KBTBD4: variants seen among roughly 807,000 people sequenced by gnomAD.
KBTBD4 encodes the protein kelch repeat and BTB domain-containing protein 4.
KBTBD4 carries 30 observed loss-of-function variants against 43.9 expected under a neutral mutation model. That is an observed-to-expected ratio of 0.68 (90% CI 0.51 to 0.93). The LOEUF (loss-of-function observed/expected upper bound fraction) is 0.93. KBTBD4 is among the 40% of genes least tolerant of loss of function. The pLI is 0.00. For missense variants in KBTBD4, 575 were observed against 668.8 expected (o/e 0.86, Z 1.55); for synonymous variants, 258 against 256.9 (o/e 1.00, Z -0.04).
At chr11:47,577,328 G>T in intron 2 of KBTBD4, 83 bp downstream of exon 2, 1 of 1,344,530 alleles carries the variant, frequency 7.4e-7, no homozygotes, top group East Asian at 2.3e-5. Flanking sequence ...GGAAGCTTGA[G>T]GGTTCTTTTC....
chr11:47,572,973 C>A lies in KBTBD4; in HGVS notation c.1562G>T (p.Gly521Val). ...CAAATTGGTAAGCAGCACCTTAATACCTCTTGTGACAGTTACGGCTGAAGT... is the reference window on the plus strand; with the variant it reads ...CAAATTGGTAAGCAGCACCTTAATAACTCTTGTGACAGTTACGGCTGAAGT... Reference protein sequence around the residue: ...PATSAVTVTRGIKVLLTNLQF... With the variant: ...PATSAVTVTRVIKVLLTNLQF... The change falls in exon 4 of 4, where the codon GGT becomes GTT. Residue 521 changes from glycine to valine, a missense_variant. Transcript: ENST00000430070. 1 of 1,614,202 alleles carries A rather than the reference C, an allele frequency of 6.2e-7. No individual in the cohort carries two copies. Among genetic ancestry groups the A allele is most frequent in the African/African-American group, 1.3e-5 (1 of 75,050 alleles).
At position 47,577,522 on chromosome 11, in the gene KBTBD4, G is replaced by T; in HGVS notation, c.526C>A (p.Pro176Thr). ...VMWLADRHSD[P>T]ELYTAAKHCA... Reference sequence around the variant, plus strand: ...TGCTTGGCAGCCGTATAGAGCTCAGGATCACTGTGCCGATCTGCCAGCCAC... The same window carrying T: ...TGCTTGGCAGCCGTATAGAGCTCAGTATCACTGTGCCGATCTGCCAGCCAC... The change falls in exon 2 of 4, where the codon CCT (proline) becomes ACT (threonine). Residue 176 changes from proline (P) to threonine (T), a missense_variant. By Grantham distance (38) the Pro-to-Thr change is conservative. Transcript: ENST00000430070. The T allele has an allele frequency of 6.2e-7, 1 of 1,614,120 alleles. No individual in the cohort carries two copies. The highest frequency in any genetic ancestry group is 8.5e-7 in the Non-Finnish European group (1 of 1,180,032).
At position 47,573,036 on chromosome 11, in the gene KBTBD4, T is replaced by C. The variant is rs2097252167; in HGVS notation, c.1499A>G (p.Lys500Arg). Residue 500 changes from lysine to arginine, a missense_variant, in exon 4 of 4, where the codon AAA (lysine) becomes AGA (arginine). Lys to Arg is a conservative substitution (Grantham distance 26, BLOSUM62 2). Coordinates refer to ENST00000430070, the MANE Select transcript of KBTBD4 (RefSeq NM_018095.6). This position sits in a 1 kb window ranked among gnomAD's most constrained non-coding sequence, Gnocchi z 4.1. Reference sequence around the variant, plus strand: ...CTTGTAGGTGTTGGCATCCCCCTTTTTATATCGGTCCCGGAAGACATAGAT... The same window carrying C: ...CTTGTAGGTGTTGGCATCCCCCTTTCTATATCGGTCCCGGAAGACATAGAT... Reference protein sequence around the residue: ...GSIYVFRDRYKKGDANTYKLD... With the variant: ...GSIYVFRDRYRKGDANTYKLD... 2 of 1,614,138 alleles carry C rather than the reference T, an allele frequency of 1.2e-6. No homozygotes were observed. The highest frequency in any genetic ancestry group is 1.7e-6 in the Non-Finnish European group (2 of 1,180,034).
At chr11:47,578,736 C>A in intron 1 of KBTBD4, 197 bp downstream of exon 1, 5 of 1,457,686 alleles carry the variant, frequency 3.4e-6, no homozygotes, top group Non-Finnish European at 4.6e-6. Flanking sequence ...CCCGCTCAGG[C>A]CCGCCCGCCC....
rs534787754 is a variant in KBTBD4 at position 47,578,292 on chromosome 11, T to C, written c.20-264A>G. ...TCCTGAGAAAACACGGAATAATTCC[T>C]TTCCATAATGTTAACAAAAGACTTG... On this transcript the variant is annotated intron_variant, in intron 1 of 3. Coordinates refer to ENST00000430070, the MANE Select transcript of KBTBD4 (RefSeq NM_018095.6). The C allele has an allele frequency of 2.2e-4, 130 of 588,050 alleles. 1 individual carries two copies. The highest frequency in any genetic ancestry group is 1.3e-3 in the Middle Eastern group (3 of 2,240). 36.4% of individuals were successfully genotyped at this position (588,050 alleles called of 1,614,324 possible). A position where few individuals can be genotyped will look rare whatever the true frequency, so the allele number is the denominator to read the frequency against.
chr11:47,578,605 G>A (rs1376809598), intron 1 of KBTBD4: 5 of 717,686 alleles, frequency 7.0e-6, no homozygotes, highest in Admixed American at 6.0e-5. Context: ...CCCTATGGCT[G>A]CGTCCCAGAA....
chr11:47,575,163 T>C (rs1321014765), intron 3 of KBTBD4, among the ~76,000 whole-genome samples: 2 of 148,584 alleles, frequency 1.3e-5, no homozygotes, highest in African/African-American at 2.5e-5. Flanking sequence ...CGAGCTGAGA[T>C]TGCACCACTG....
rs1422744493 is a variant in KBTBD4, at chr11:47,578,015, T to C, written c.33A>G (p.Arg11=). 3.1e-6 allele frequency: 5 copies of C among 1,614,156 alleles called. No homozygotes were observed. The Admixed American group carries it at 8.3e-5, about 27-fold the overall frequency. ...GTGATTCCATGCTAGCCAACTTCTC[T>C]CTCTGCCAGCTGTCTGCAAAGCAAC... The part of the protein sequence containing the change: MKGGNADSWQ[R]EKLASMESPE... The change falls in exon 2 of 4, where the codon AGA becomes AGG. Residue 11 remains arginine (R), a synonymous_variant. Transcript: ENST00000430070.
At position 47,573,356 on chromosome 11, in the gene KBTBD4, G is replaced by A. The variant is rs967832403; in HGVS notation, c.1179C>T (p.Asn393=). ...CCCCCCCTAGTAAGTAGATGATCCCGTTGAGGTTGGCACCAGCAGCCCCTG... is the reference window on the plus strand; with the variant it reads ...CCCCCCCTAGTAAGTAGATGATCCCATTGAGGTTGGCACCAGCAGCCCCTG... ...AVSGAAGANL[N]GIIYLLGGEE... Residue 393 remains asparagine, a synonymous_variant, in exon 4 of 4, where the codon AAC becomes AAT. Coordinates refer to ENST00000430070, the MANE Select transcript of KBTBD4 (RefSeq NM_018095.6). This position sits in a 1 kb window ranked among gnomAD's most constrained non-coding sequence, Gnocchi z 4.1. 9 of 1,614,046 alleles carry A rather than the reference G, an allele frequency of 5.6e-6. No homozygotes were observed. Among genetic ancestry groups the A allele is most frequent in the South Asian group, 2.2e-5 (2 of 91,088 alleles).
chr11:47,578,838 C>T (rs2097265489), intron 1 of KBTBD4, 95 bp downstream of exon 1: 2 of 1,545,430 alleles, frequency 1.3e-6, no homozygotes, highest in African/African-American at 1.4e-5. Flanking sequence ...CCGCCTGGTT[C>T]TTCAGCGTCC....
Position 47,573,445 on chromosome 11 carries a change from C to T in KBTBD4, c.1090G>A (p.Val364Ile), listed in dbSNP as rs2097253413. The change falls in exon 4 of 4, where the codon GTC becomes ATC. Residue 364 changes from valine to isoleucine, a missense_variant. Coordinates refer to ENST00000430070, the MANE Select transcript of KBTBD4 (RefSeq NM_018095.6). The surrounding 1 kb of genome is among the most constrained non-coding windows in gnomAD (Gnocchi z 4.1). Reference sequence around the variant, plus strand: ...TTATCACCTACGCGATAATAAATGACTGCGTTGGAGAGGGTATCTTGCAGT... The same window carrying T: ...TTATCACCTACGCGATAATAAATGATTGCGTTGGAGAGGGTATCTTGCAGT... Reference protein sequence around the residue: ...KTLQDTLSNAVIYYRVGDNVW... With the variant: ...KTLQDTLSNAIIYYRVGDNVW... 1 of 1,614,210 alleles carries T rather than the reference C, an allele frequency of 6.2e-7. No individual in the cohort carries two copies. Among genetic ancestry groups the T allele is most frequent in the Non-Finnish European group, 8.5e-7 (1 of 1,180,036 alleles).
chr11:47,576,816 A>G (rs2153794284), intron 2 of KBTBD4, among the ~76,000 whole-genome samples: 1 of 152,064 alleles, frequency 6.6e-6, no homozygotes, highest in African/African-American at 2.4e-5. Context: ...AGCTGAGACT[A>G]CAGGTGCAAG....
rs2097250315 is a variant in KBTBD4 at position 47,572,242 on chromosome 11, C to T, written c.*688G>A. Reference sequence around the variant, plus strand: ...TGTATCAACAGTTCCTAGCTCTTGACTTAGCTTAGAGCTTTTAAAAGAGCA... The same window carrying T: ...TGTATCAACAGTTCCTAGCTCTTGATTTAGCTTAGAGCTTTTAAAAGAGCA... On this transcript the variant is annotated 3_prime_UTR_variant, in exon 4 of 4. Coordinates refer to ENST00000430070, the MANE Select transcript of KBTBD4 (RefSeq NM_018095.6). 6.5e-6 allele frequency: 1 copy of T among 152,846 alleles called. No homozygotes were observed. Among genetic ancestry groups the T allele is most frequent in the Non-Finnish European group, 1.5e-5 (1 of 68,198 alleles). 9.5% of individuals were successfully genotyped at this position (152,846 alleles called of 1,614,324 possible).
chr11:47,576,581 C>G (rs369696445), intron 2 of KBTBD4: 2 of 151,828 alleles, frequency 1.3e-5, no homozygotes, highest in African/African-American at 4.8e-5. Flanking sequence ...GAAGAGAAAC[C>G]AGAGTATGTG....
Position 47,573,505 on chromosome 11 carries a change from C to A in KBTBD4, c.1030G>T (p.Gly344Trp). ...CCCAGTGAATATATGGCATCTTTCC[C>A]GGGCACAGACACCAGGGTGTGCTGG... ...RLQHTLVSVP[G>W]KDAIYSLGGK... Residue 344 changes from glycine (G) to tryptophan (W), a missense_variant, in exon 4 of 4, where the codon GGG becomes TGG. Physicochemically the swap from Gly to Trp is radical, Grantham distance 184 (BLOSUM62 -2). Transcript: ENST00000430070. This position sits in a 1 kb window ranked among gnomAD's most constrained non-coding sequence, Gnocchi z 4.1. 1 of 1,614,150 alleles carries A rather than the reference C, an allele frequency of 6.2e-7. No homozygotes were observed. The highest frequency in any genetic ancestry group is 8.5e-7 in the Non-Finnish European group (1 of 1,180,024).
At position 47,577,990 on chromosome 11, in the gene KBTBD4, GT is replaced by G; in HGVS notation, c.57del (p.Pro20GlnfsTer14). ...WQREKLASME[S>X]PEEPGASMDE... is the part of the protein sequence containing the mutation. The stretch of plus-strand genomic sequence containing the variant: ...TCCATGGATGCTCCAGGCTCCTCTG[GT>G]GATTCCATGCTAGCCAACTTCTCTC... On this transcript the variant is annotated frameshift_variant, in exon 2 of 4. Coordinates refer to ENST00000430070, the MANE Select transcript of KBTBD4 (RefSeq NM_018095.6). LOFTEE classifies it high-confidence loss of function. 6.2e-7 allele frequency: 1 copy of G among 1,614,172 alleles called. No homozygotes were observed. The highest frequency in any genetic ancestry group is 8.5e-7 in the Non-Finnish European group (1 of 1,180,036).
intron 3 of KBTBD4, among the ~76,000 whole-genome samples, chr11:47,575,235 G>A (rs1039357785): frequency 2.7e-5 from 4 of 150,070 alleles, no homozygotes; most frequent in Non-Finnish European, 5.9e-5. Context: ...AAGGCCGGGC[G>A]CGGGGGCTCA....
intron 2 of KBTBD4, 101 bp downstream of exon 2, chr11:47,577,310 T>A (rs2097261511): frequency 8.4e-7 from 1 of 1,184,146 alleles, no homozygotes; most frequent in Admixed American, 2.6e-5. Flanking sequence ...TAATGTAAAC[T>A]AACACCAGGA....
rs1358045158 is a variant in KBTBD4 at position 47,572,295 on chromosome 11, A to T, written c.*635T>A. 6.5e-6 allele frequency: 1 copy of T among 152,848 alleles called. No individual in the cohort carries two copies. Among genetic ancestry groups the T allele is most frequent in the Non-Finnish European group, 1.5e-5 (1 of 68,188 alleles). The allele number at this position is 152,848 out of a possible 1,614,324, so 9.5% of individuals were successfully genotyped here. A position where few individuals can be genotyped will look rare whatever the true frequency, so the allele number is the denominator to read the frequency against. ...CACCTTATATATTTGAGATTGAAAA[A>T]GTTTCTGCTATTAATCAGAAATAAT... is the stretch of plus-strand genomic sequence containing the variant. On this transcript the variant is annotated 3_prime_UTR_variant, in exon 4 of 4. Coordinates refer to ENST00000430070, the MANE Select transcript of KBTBD4 (RefSeq NM_018095.6).
Sources: gnomAD v4.1 joint callset for allele counts (sites outside exome capture counted in the v4.1 genomes callset) on GRCh38, gnomAD v4.1.1 for gene constraint, Gnocchi (gnomAD v3.1) non-coding constraint, MANE v1.5 for transcripts, NCBI Gene and HGNC (gene_info 2026-07-23, HGNC 2026-07-21) for gene names.